FHIT: variants seen among roughly 807,000 people sequenced by gnomAD.
FHIT encodes bis(5'-adenosyl)-triphosphatase.
A neutral mutation model predicts 17.9 loss-of-function variants in FHIT; 19 were observed. That is an observed-to-expected ratio of 1.06 (90% CI 0.74 to 1.56). The LOEUF is 1.56. FHIT is among the 40% of genes most tolerant of loss of function. The probability of loss-of-function intolerance (pLI) is 0.00; values close to 1 mark genes in which losing one functional copy is unlikely to be tolerated. For synonymous variants in FHIT, 81 were observed against 69.7 expected, an observed-to-expected ratio of 1.16 and a Z score of -0.81; for missense variants, 248 against 189.2, an observed-to-expected ratio of 1.31 and a Z score of -1.82.
At chr3:60,118,760 T>G (rs1298891190) in intron 5 of FHIT, among the ~76,000 whole-genome samples, 2 of 3,542 alleles carry the variant, frequency 5.6e-4, no homozygotes, top group African/African-American at 1.4e-3. Flanking sequence ...GTTGGGAGGC[T>G]GAGGTGGGGG....
intron 4 of FHIT, among the ~76,000 whole-genome samples, chr3:60,610,348 G>A (rs1223207410): frequency 3.3e-5 from 5 of 151,990 alleles, no homozygotes; most frequent in Non-Finnish European, 7.4e-5. Context: ...TGATATTAGG[G>A]TTTAATTCTA....
chr3:60,744,808 C>T (rs146152979), intron 4 of FHIT, among the ~76,000 whole-genome samples: 91 of 152,266 alleles, frequency 6.0e-4, no homozygotes, highest in Non-Finnish European at 1.1e-3. Context: ...CAAGGTAAGG[C>T]CCATCTTCTG....
At chr3:61,037,073 G>T (rs1010323549) in intron 3 of FHIT, among the ~76,000 whole-genome samples, 5 of 151,938 alleles carry the variant, frequency 3.3e-5, no homozygotes, top group African/African-American at 4.8e-5. Flanking sequence ...CACTGCACCC[G>T]GCTAATTTTT....
At chr3:60,655,929 G>T (rs879986378) in intron 4 of FHIT, among the ~76,000 whole-genome samples, 3 of 152,140 alleles carry the variant, frequency 2.0e-5, no homozygotes, top group African/African-American at 2.4e-5. Flanking sequence ...TGGCTACTAC[G>T]CCTTTCTGTC....
At chr3:60,847,808 C>T (rs1472362969) in intron 3 of FHIT, among the ~76,000 whole-genome samples, 1 of 152,128 alleles carries the variant, frequency 6.6e-6, no homozygotes, top group African/African-American at 2.4e-5. Flanking sequence ...GTCGACATTT[C>T]TGTGATACAC....
At chr3:61,095,429 C>T (rs933714355) in intron 2 of FHIT, among the ~76,000 whole-genome samples, 5 of 152,154 alleles carry the variant, frequency 3.3e-5, no homozygotes, top group Admixed American at 6.5e-5. Flanking sequence ...ATACAGACTC[C>T]GCAAGGGCCT....
chr3:60,104,394 AAAC>A (rs1053239281), intron 5 of FHIT, among the ~76,000 whole-genome samples: 3 of 152,188 alleles, frequency 2.0e-5, no homozygotes, highest in African/African-American at 7.2e-5. Flanking sequence ...AAATCATTCC[AAAC>A]AACTATAAGT....
intron 8 of FHIT, among the ~76,000 whole-genome samples, chr3:59,898,368 G>A (rs1457882997): frequency 1.3e-5 from 2 of 151,864 alleles, no homozygotes; most frequent in Admixed American, 1.3e-4. Context: ...TTCAGATAAG[G>A]GGCAGTCAAT....
chr3:60,009,102 T>C (rs1204532082), intron 7 of FHIT, among the ~76,000 whole-genome samples: 1 of 151,788 alleles, frequency 6.6e-6, no homozygotes, highest in African/African-American at 2.4e-5. Context: ...ATTCAACAAC[T>C]TTAGATATGG....
rs77805048 is a variant in FHIT, at chr3:60,241,414, T to C, written c.104-227262A>G. On this transcript the variant is annotated intron_variant, in intron 5 of 9. Coordinates refer to ENST00000492590, the MANE Select transcript of FHIT (RefSeq NM_002012.4). ...AATTTTCTAGGAATTTTAAGTACTG[T>C]CCCCTAATTTTCCATTAATAAGCAC... Among the ~76,000 whole-genome samples the C allele has an allele frequency of 6.6e-5, 10 of 152,246 alleles. No individual in the cohort carries two copies. In the East Asian group the frequency reaches 1.4e-3, roughly 21 times the overall value.
chr3:60,592,227 T>C (rs986994567), intron 4 of FHIT, among the ~76,000 whole-genome samples: 26 of 147,128 alleles, frequency 1.8e-4, no homozygotes, highest in East Asian at 2.0e-4. Flanking sequence ...TATATATATA[T>C]ACTATATATA....
At chr3:60,672,872 A>AGCGT (rs2040538539) in intron 4 of FHIT, among the ~76,000 whole-genome samples, 1 of 10,580 alleles carries the variant, frequency 9.5e-5, no homozygotes, top group Admixed American at 6.0e-4. Flanking sequence ...ACCTCTTTGT[A>AGCGT]GCGTGTGTGT....
rs551302809 is a variant in FHIT at position 60,735,630 on chromosome 3, C to T, written c.-18+86289G>A. Reference sequence around the variant, plus strand: ...ACCATGCCTATGCGTGAGACCAACCCAATGGAAAGAAAACTAAGAGATGAT... The same window carrying T: ...ACCATGCCTATGCGTGAGACCAACCTAATGGAAAGAAAACTAAGAGATGAT... On this transcript the variant is annotated intron_variant, in intron 4 of 9. Transcript: ENST00000492590. Among the ~76,000 whole-genome samples the T allele has an allele frequency of 2.5e-4, 38 of 152,304 alleles. No homozygotes were observed. The South Asian group carries it at 6.4e-3, about 26-fold the overall frequency.
In FHIT at chr3:61,064,079, C is replaced by T. The variant is rs566274453; in HGVS notation, c.-163-21980G>A. 1.2e-4 allele frequency among the ~76,000 whole-genome samples: 18 copies of T among 152,254 alleles called. 1 individual carries two copies. In the South Asian group the frequency reaches 3.3e-3, roughly 28 times the overall value. On this transcript the variant is annotated intron_variant, in intron 2 of 9. Coordinates refer to ENST00000492590, the MANE Select transcript of FHIT (RefSeq NM_002012.4). ...TTACTCTCAGCATAAGAGGCTGAAA[C>T]GTACTGGTCTCAGCCAGTGAAGGTA...
intron 1 of FHIT, among the ~76,000 whole-genome samples, chr3:61,214,299 A>T (rs2106785308): frequency 6.6e-6 from 1 of 152,338 alleles, no homozygotes; most frequent in East Asian, 1.9e-4. Context: ...AATCAAATAG[A>T]CGCAGTAAAA....
intron 8 of FHIT, among the ~76,000 whole-genome samples, chr3:59,872,093 G>A (rs1416421101): frequency 6.6e-6 from 1 of 152,160 alleles, no homozygotes; most frequent in Non-Finnish European, 1.5e-5. Context: ...TGAAGCCACC[G>A]TTGATGTACT....
chr3:60,000,818 G>A (rs1344037332), intron 7 of FHIT, among the ~76,000 whole-genome samples: 1 of 152,038 alleles, frequency 6.6e-6, no homozygotes, highest in African/African-American at 2.4e-5. Flanking sequence ...CACAGCATAA[G>A]TCCCAGTGTA....
intron 4 of FHIT, among the ~76,000 whole-genome samples, chr3:60,636,702 C>A (rs1273206728): frequency 6.6e-6 from 1 of 152,158 alleles, no homozygotes; most frequent in Non-Finnish European, 1.5e-5. Flanking sequence ...GTCCTGTGCT[C>A]CTATCCTGCT....
chr3:61,001,791 C>T (rs2031103073), intron 3 of FHIT, among the ~76,000 whole-genome samples: 1 of 152,144 alleles, frequency 6.6e-6, no homozygotes, highest in South Asian at 2.1e-4. Context: ...CACATGCACA[C>T]ATATACACAC....
Sources: allele counts gnomAD v4.1 joint callset (sites outside exome capture counted in the v4.1 genomes callset), GRCh38; gene constraint gnomAD v4.1.1; transcripts MANE v1.5; gene names NCBI Gene and HGNC (gene_info 2026-07-23, HGNC 2026-07-21).